AATK: variants seen among roughly 807,000 people sequenced by gnomAD.
The protein encoded by AATK is lemur tail kinase 1, also known as serine/threonine-protein kinase LMTK1.
AATK carries 91 observed loss-of-function variants against 114.3 expected under a neutral mutation model. The ratio of observed to expected loss-of-function variants is 0.80; its 90% CI spans 0.67 to 0.95. The LOEUF (loss-of-function observed/expected upper bound fraction) is 0.95, where lower values mean the gene tolerates loss of function less well. AATK is among the 40% of genes least tolerant of loss of function. The pLI, the probability that AATK is intolerant of heterozygous loss-of-function variation, is 0.00. For missense variants in AATK, 2,176 were observed against 1,965.2 expected (o/e 1.11, Z -2.03); for synonymous variants, 1,075 against 916.5 (o/e 1.17, Z -3.12).
chr17:81,159,505 T>G (rs1404987543), intron 1 of AATK, among the ~76,000 whole-genome samples: 1 of 151,962 alleles, frequency 6.6e-6, no homozygotes, highest in African/African-American at 2.4e-5. Flanking sequence ...CCACACGCCT[T>G]TTTCGCAGGG....
chr17:81,139,521 A>ACAG (rs1356615473), intron 1 of AATK, among the ~76,000 whole-genome samples: 10 of 148,422 alleles, frequency 6.7e-5, no homozygotes, highest in Non-Finnish European at 1.4e-4. Flanking sequence ...CACAAGCTGC[A>ACAG]TGGTGTCCCC....
chr17:81,122,574 C>T lies in AATK; in HGVS notation c.1362G>A (p.Ala454=), dbSNP rs2060713684. ...ASSFPLLEQF[A]GDGFHADGDD... Reference sequence around the variant, plus strand: ...CGCCGTCCGCGTGGAAGCCGTCGCCCGCGAACTGCTCCAGCAGCGGGAAGG... The same window carrying T: ...CGCCGTCCGCGTGGAAGCCGTCGCCTGCGAACTGCTCCAGCAGCGGGAAGG... The change falls in exon 11 of 14, where the codon GCG becomes GCA. Residue 454 remains alanine, a synonymous_variant. Transcript: ENST00000326724. 1 of 1,459,422 alleles carries T rather than the reference C, an allele frequency of 6.9e-7. No individual in the cohort carries two copies. The allele number at this position is 1,459,422 out of a possible 1,614,324, so 90.4% of individuals were successfully genotyped here. A position where few individuals can be genotyped will look rare whatever the true frequency, so the allele number is the denominator to read the frequency against.
intron 2 of AATK, chr17:81,131,884 T>G (rs1448465831): frequency 2.3e-6 from 3 of 1,322,074 alleles, no homozygotes; most frequent in Non-Finnish European, 3.0e-6. Context: ...CCGGCCACCT[T>G]TACCCTGGGC....
chr17:81,138,346 CAT>C (rs936103608), intron 1 of AATK, among the ~76,000 whole-genome samples: 1 of 149,598 alleles, frequency 6.7e-6, no homozygotes, highest in African/African-American at 2.5e-5. Context: ...CACACCCACA[CAT>C]ACCCACGCAC....
intron 1 of AATK, among the ~76,000 whole-genome samples, chr17:81,156,179 T>C (rs1356137955): frequency 1.4e-4 from 1 of 7,112 alleles, no homozygotes; most frequent in African/African-American, 4.7e-4. Context: ...TGTATGTTAC[T>C]GTTACAATGT....
intron 1 of AATK, among the ~76,000 whole-genome samples, chr17:81,138,287 C>T (rs1023949349): frequency 7.1e-6 from 1 of 140,318 alleles, no homozygotes; most frequent in East Asian, 2.1e-4. Context: ...GCACACCCAC[C>T]CACACATGTG....
At chr17:81,134,632 C>A in intron 1 of AATK, 131 bp from the exon 2 acceptor site, 2 of 1,184,590 alleles carry the variant, frequency 1.7e-6, no homozygotes, top group Non-Finnish European at 2.3e-6. Context: ...TGACCTCTCA[C>A]CCCAGACCCC....
At chr17:81,165,209 C>A (rs1246681562) in intron 1 of AATK, among the ~76,000 whole-genome samples, 1 of 152,228 alleles carries the variant, frequency 6.6e-6, no homozygotes, top group Non-Finnish European at 1.5e-5. Flanking sequence ...ACAGATGGGG[C>A]TTCCAGCTGT....
chr17:81,165,672 C>T, intron 1 of AATK: 1 of 1,508,972 alleles, frequency 6.6e-7, no homozygotes, highest in Non-Finnish European at 8.9e-7. Flanking sequence ...GCCCTCCGTG[C>T]CCCAGTTACC....
chr17:81,143,202 C>T (rs1296120479), intron 1 of AATK, among the ~76,000 whole-genome samples: 1 of 152,152 alleles, frequency 6.6e-6, no homozygotes, highest in Non-Finnish European at 1.5e-5. Context: ...TCGATGAGCC[C>T]CCACCCCCGC....
intron 1 of AATK, among the ~76,000 whole-genome samples, chr17:81,161,282 C>A (rs1328443313): frequency 6.6e-6 from 1 of 152,070 alleles, no homozygotes; most frequent in Non-Finnish European, 1.5e-5. Flanking sequence ...GGCACAGCGG[C>A]CCCAGGTGCT....
chr17:81,146,188 TA>T (rs34197372), intron 1 of AATK, among the ~76,000 whole-genome samples: 243 of 124,608 alleles, frequency 2.0e-3, no homozygotes, highest in South Asian at 2.9e-3. Context: ...GACTCCATAT[TA>T]AAAAAAAAAA....
At chr17:81,128,077 C>A (rs62075261) in intron 4 of AATK, among the ~76,000 whole-genome samples, 167 bp from the exon 5 acceptor site, 7,357 of 152,216 alleles carry the variant, frequency 0.048, 240 homozygotes, top group South Asian at 0.11. Flanking sequence ...GGATCCCTCC[C>A]GGCAACCCTC....
In AATK at chr17:81,120,685, T is replaced by C. The variant is rs748609471; in HGVS notation, c.3251A>G (p.Gln1084Arg). 1.3e-6 allele frequency: 2 copies of C among 1,514,574 alleles called. No individual in the cohort carries two copies. The highest frequency in any genetic ancestry group is 2.3e-5 in the Admixed American group (1 of 44,282). 93.8% of individuals were successfully genotyped at this position (1,514,574 alleles called of 1,614,324 possible). The change falls in exon 11 of 14, where the codon CAA becomes CGA. Residue 1084 changes from glutamine (Q) to arginine (R), a missense_variant. Transcript: ENST00000326724. ...SGLVPEPPEP[Q>R]GPAKVRPGPS... ...CCCAGGCCGCACCTTGGCTGGGCCT[T>C]GGGGCTCCGGAGGCTCTGGGACCAG...
At position 81,121,139 on chromosome 17, in the gene AATK, G is replaced by A. The variant is rs1470613660; in HGVS notation, c.2797C>T (p.Arg933Ter). Residue 933 changes from arginine (R) to a stop codon, truncating the protein, a stop_gained, in exon 11 of 14, where the codon CGA becomes TGA. Transcript: ENST00000326724. LOFTEE classifies it high-confidence loss of function. ...GTGTCATAGCCACTGTCCAGCGCTC[G>A]CGGCTGCCCTCCAGAGGGGCCAGTG... is the stretch of plus-strand genomic sequence containing the variant. Reference protein sequence around the residue: ...SATGPSGGQPRALDSGYDTEN... With the variant: ...SATGPSGGQP 2.5e-6 allele frequency: 4 copies of A among 1,604,952 alleles called. No homozygotes were observed. Among genetic ancestry groups the A allele is most frequent in the Non-Finnish European group, 1.7e-6 (2 of 1,176,612 alleles).
At chr17:81,131,253 G>C in intron 2 of AATK, 48 bp from the exon 3 acceptor site, 1 of 1,518,846 alleles carries the variant, frequency 6.6e-7, no homozygotes, top group Non-Finnish European at 8.8e-7. Context: ...GGTCAAGGAA[G>C]GGTGTGGCTG....
At position 81,159,299 on chromosome 17, in the gene AATK, C is replaced by T. The variant is rs181827180; in HGVS notation, c.55+6639G>A. Reference sequence around the variant, plus strand: ...CTGAGCATCATTCACAGAGAGCGAGCGAGATCCCCAACATGGGGCAGCTGG... The same window carrying T: ...CTGAGCATCATTCACAGAGAGCGAGTGAGATCCCCAACATGGGGCAGCTGG... On this transcript the variant is annotated intron_variant, in intron 1 of 13. Coordinates refer to ENST00000326724, the MANE Select transcript of AATK (RefSeq NM_001080395.3). Among the ~76,000 whole-genome samples the T allele has an allele frequency of 6.7e-3, 1,017 of 152,242 alleles. 7 individuals carry two copies. The highest frequency in any genetic ancestry group is 0.014 in the Middle Eastern group (4 of 294).
rs1435580397 is a variant in AATK, at chr17:81,118,359, G to C, written c.*43C>G. ...CCATCCTCGCTGCTGCCTGGCAGGG[G>C]CTCCGGTGACGCCAGCCTTGAGGGG... is the stretch of plus-strand genomic sequence containing the variant. On this transcript the variant is annotated 3_prime_UTR_variant, in exon 14 of 14. Coordinates refer to ENST00000326724, the MANE Select transcript of AATK (RefSeq NM_001080395.3). The C allele has an allele frequency of 1.3e-6, 2 of 1,573,614 alleles. No individual in the cohort carries two copies. Among genetic ancestry groups the C allele is most frequent in the Non-Finnish European group, 1.7e-6 (2 of 1,159,314 alleles).
rs1184053435 is a variant in AATK, at chr17:81,140,862, GCCGTGAGCCGTGGGGCCGTGGGGA to G, written c.56-6385_56-6362del. On this transcript the variant is annotated intron_variant, in intron 1 of 13. Transcript: ENST00000326724. ...GGGCCGTGAGCCGTGGGGCTGTGGG[GCCGTGAGCCGTGGGGCCGTGGGGA>G]CCGTGAGCTGTGAGCCGTGGGGCCG... is the stretch of plus-strand genomic sequence containing the variant. Among the ~76,000 whole-genome samples the G allele has an allele frequency of 4.2e-4, 56 of 133,876 alleles. 1 individual carries two copies. Among genetic ancestry groups the G allele is most frequent in the Non-Finnish European group, 7.2e-4 (47 of 65,226 alleles). 87.8% of individuals were successfully genotyped at this position (133,876 alleles called of 152,430 possible).
Sources: gnomAD v4.1 joint callset for allele counts (sites outside exome capture counted in the v4.1 genomes callset) on GRCh38, gnomAD v4.1.1 for gene constraint, MANE v1.5 for transcripts, NCBI Gene and HGNC (gene_info 2026-07-23, HGNC 2026-07-21) for gene names.